Variants in UPP1 observed in about 807,000 individuals in gnomAD.
The protein encoded by UPP1 is UPase 1.
In UPP1, 25 loss-of-function variants were observed where a neutral mutation model predicts 29.6. That is an observed-to-expected ratio of 0.85 (90% CI 0.62 to 1.18). The LOEUF is 1.18. Among genes scored for constraint, UPP1 ranks in the 50% most tolerant of loss-of-function variants. UPP1 has a pLI of 0.00. For missense variants in UPP1, 368 were observed against 410.4 expected, an observed-to-expected ratio of 0.90 and a Z score of 0.89; for synonymous variants, 165 against 159.8, an observed-to-expected ratio of 1.03 and a Z score of -0.25.
chr7:48,107,380 G>T lies in UPP1; in HGVS notation c.666G>T (p.Gly222=), dbSNP rs374315572. The T allele has an allele frequency of 6.2e-6, 10 of 1,613,454 alleles. No individual in the cohort carries two copies. The African/African-American group carries it at 1.3e-4, about 22-fold the overall frequency. The change falls in exon 8 of 9, where the codon GGG becomes GGT. Residue 222 remains glycine, a synonymous_variant. Coordinates refer to ENST00000395564, the MANE Select transcript of UPP1 (RefSeq NM_003364.4). Reference sequence around the variant, plus strand: ...CCTCAGGGCAAGGCCGTCTGGATGGGGCTCTCTGCTCCTACACGGAGAAGG... The same window carrying T: ...CCTCAGGGCAAGGCCGTCTGGATGGTGCTCTCTGCTCCTACACGGAGAAGG... ...DFYEGQGRLD[G]ALCSYTEKDK... is the part of the protein sequence containing the mutation.
At chr7:48,095,788 C>A (rs1482702274) in intron 3 of UPP1, among the ~76,000 whole-genome samples, 1 of 152,022 alleles carries the variant, frequency 6.6e-6, no homozygotes, top group East Asian at 1.9e-4. Flanking sequence ...GCTGGGATTA[C>A]AGGTGCAAGC....
intron 3 of UPP1, among the ~76,000 whole-genome samples, chr7:48,097,425 G>T (rs1792182807): frequency 6.6e-6 from 1 of 151,916 alleles, no homozygotes; most frequent in Non-Finnish European, 1.5e-5. Context: ...GTAGAGTCAG[G>T]GTTTCACCAT....
In UPP1 at chr7:48,107,436, C is replaced by T. The variant is rs751308780; in HGVS notation, c.722C>T (p.Ala241Val). ...CAGGCGTATCTGGAGGCAGCCTATG[C>T]AGCCGGCGTCCGCAATATCGAGATG... ...DKQAYLEAAY[A>V]AGVRNIEMES... is the part of the protein sequence containing the mutation. Residue 241 changes from alanine to valine, a missense_variant, in exon 8 of 9, where the codon GCA becomes GTA. Coordinates refer to ENST00000395564, the MANE Select transcript of UPP1 (RefSeq NM_003364.4). The T allele has an allele frequency of 6.8e-6, 11 of 1,614,164 alleles. No individual in the cohort carries two copies. Among genetic ancestry groups the T allele is most frequent in the Middle Eastern group, 1.6e-4 (1 of 6,062 alleles).
intron 3 of UPP1, among the ~76,000 whole-genome samples, chr7:48,097,381 A>G (rs114904796): frequency 2.3e-4 from 35 of 152,188 alleles, no homozygotes; most frequent in African/African-American, 7.7e-4. Flanking sequence ...CTATAGGTGC[A>G]TGCCACCATG....
chr7:48,108,274 C>CCTCG lies in UPP1; in HGVS notation c.852_855dup (p.Asn286SerfsTer43). 1 of 1,614,040 alleles carries CCTCG rather than the reference C, an allele frequency of 6.2e-7. No individual in the cohort carries two copies. Among genetic ancestry groups the CCTCG allele is most frequent in the Non-Finnish European group, 8.5e-7 (1 of 1,180,022 alleles). On this transcript the variant is annotated frameshift_variant, in exon 9 of 9. Coordinates refer to ENST00000395564, the MANE Select transcript of UPP1 (RefSeq NM_003364.4). LOFTEE classifies it high-confidence loss of function. ...CCTGGAAGGGGACCAGATCAGCAGC[C>CCTCG]CTCGCAATGTGCTCAGCGAGTACCA...
intron 2 of UPP1, among the ~76,000 whole-genome samples, chr7:48,091,827 C>T (rs1365404517): frequency 2.6e-5 from 4 of 152,078 alleles, no homozygotes; most frequent in South Asian, 2.1e-4. Flanking sequence ...AAGGAGCCAG[C>T]GGAAAGCAGT....
chr7:48,101,809 C>T lies in UPP1; in HGVS notation c.163-15C>T, dbSNP rs374101666. On this transcript the variant is annotated splice_polypyrimidine_tract_variant and intron_variant, in intron 4 of 8. Transcript: ENST00000395564. ...AGACAGTGCACTAATGGGGGTCTCTCTTCTCTGGCTGCAGTTTGTGTGTGT... is the reference window on the plus strand; with the variant it reads ...AGACAGTGCACTAATGGGGGTCTCTTTTCTCTGGCTGCAGTTTGTGTGTGT... The T allele has an allele frequency of 2.1e-5, 34 of 1,612,284 alleles. No individual in the cohort carries two copies. Among genetic ancestry groups the T allele is most frequent in the Non-Finnish European group, 2.8e-5 (33 of 1,179,186 alleles).
chr7:48,094,315 G>A (rs1406060599), intron 2 of UPP1, among the ~76,000 whole-genome samples: 1 of 152,146 alleles, frequency 6.6e-6, no homozygotes, highest in Non-Finnish European at 1.5e-5. Flanking sequence ...CCAGGTTCAA[G>A]CGATTGTCCT....
chr7:48,100,300 G>A (rs572284654), intron 4 of UPP1, among the ~76,000 whole-genome samples: 11 of 152,296 alleles, frequency 7.2e-5, no homozygotes, highest in African/African-American at 2.4e-4. Flanking sequence ...TTCTGGGACC[G>A]CTGTTGTGTA....
chr7:48,095,277 C>T (rs1164706161), intron 3 of UPP1, among the ~76,000 whole-genome samples: 1 of 152,172 alleles, frequency 6.6e-6, no homozygotes, highest in Non-Finnish European at 1.5e-5. Flanking sequence ...AATTTCTTGT[C>T]TTCATTCTGA....
intron 8 of UPP1, 109 bp downstream of exon 8, chr7:48,107,616 G>T (rs1295868092): frequency 7.4e-5 from 100 of 1,352,140 alleles, no homozygotes; most frequent in Non-Finnish European, 9.7e-5. Context: ...CCCATTTCTG[G>T]TTTCTGTTTC....
chr7:48,098,403 C>T (rs1051946627), intron 3 of UPP1, among the ~76,000 whole-genome samples: 1 of 152,136 alleles, frequency 6.6e-6, no homozygotes, highest in African/African-American at 2.4e-5. Flanking sequence ...CCATCTCAAC[C>T]TTGTTTTTCT....
chr7:48,107,607 C>A, intron 8 of UPP1, 100 bp downstream of exon 8: 1 of 1,411,592 alleles, frequency 7.1e-7, no homozygotes, highest in Non-Finnish European at 9.5e-7. Flanking sequence ...ACCCCGATAC[C>A]CATTTCTGGT....
At position 48,107,030 on chromosome 7, in the gene UPP1, C is replaced by T. The variant is rs755794187; in HGVS notation, c.594C>T (p.Ser198=). 7 of 1,612,532 alleles carry T rather than the reference C, an allele frequency of 4.3e-6. No individual in the cohort carries two copies. The highest frequency in any genetic ancestry group is 5.9e-6 in the Non-Finnish European group (7 of 1,179,902). ...QELLLCSAEL[S]EFTTVVGNTM... ...TGTTGCTGTGTTCTGCAGAGCTGAG[C>T]GAGTTCACCACAGTGGTGGGGAACA... Residue 198 remains serine, a synonymous_variant, in exon 7 of 9, where the codon AGC becomes AGT. Transcript: ENST00000395564.
Position 48,103,366 on chromosome 7 carries a change from T to G in UPP1, c.391T>G (p.Cys131Gly). Reference sequence around the variant, plus strand: ...CATAAAGCTGCTGTACTATGCCCGGTGCTCCAACGTCACTATCATCCGCAT... The same window carrying G: ...CATAAAGCTGCTGTACTATGCCCGGGGCTCCAACGTCACTATCATCCGCAT... ...ELIKLLYYARCSNVTIIRIGT... is the reference protein window; with the variant it reads ...ELIKLLYYARGSNVTIIRIGT... The change falls in exon 6 of 9, where the codon TGC becomes GGC. Residue 131 changes from cysteine (C) to glycine (G), a missense_variant. Cys to Gly is a radical substitution (Grantham distance 159). Transcript: ENST00000395564. The G allele has an allele frequency of 1.2e-6, 2 of 1,614,052 alleles. No individual in the cohort carries two copies. The highest frequency in any genetic ancestry group is 1.7e-6 in the Non-Finnish European group (2 of 1,179,922).
Position 48,108,469 on chromosome 7 carries a change from T to G in UPP1, c.*112T>G. Reference sequence around the variant, plus strand: ...ACACTTTACACAAGAATCTAGAAAATCAGATCGCGATTAAGAGACAGAGAA... The same window carrying G: ...ACACTTTACACAAGAATCTAGAAAAGCAGATCGCGATTAAGAGACAGAGAA... On this transcript the variant is annotated 3_prime_UTR_variant, in exon 9 of 9. Coordinates refer to ENST00000395564, the MANE Select transcript of UPP1 (RefSeq NM_003364.4). The G allele has an allele frequency of 7.7e-7, 1 of 1,292,990 alleles. No individual in the cohort carries two copies. Among genetic ancestry groups the G allele is most frequent in the Non-Finnish European group, 1.0e-6 (1 of 965,824 alleles). 80.1% of individuals were successfully genotyped at this position (1,292,990 alleles called of 1,614,324 possible).
At chr7:48,107,575 C>A in intron 8 of UPP1, 68 bp downstream of exon 8, 2 of 1,513,832 alleles carry the variant, frequency 1.3e-6, no homozygotes, top group Non-Finnish European at 1.8e-6. Flanking sequence ...GAGCCCCTCG[C>A]TGGGGCCCCT....
At chr7:48,107,148 C>T (rs1236352478) in intron 7 of UPP1, 66 bp downstream of exon 7, 2 of 1,572,852 alleles carry the variant, frequency 1.3e-6, no homozygotes, top group African/African-American at 1.3e-5. Context: ...CTGAGCCTGC[C>T]TTCTCGCTGT....
rs187713099 is a variant in UPP1, at chr7:48,099,680, G to A, written c.55G>A (p.Val19Ile). Residue 19 changes from valine to isoleucine, a missense_variant, in exon 4 of 9, where the codon GTC (valine) becomes ATC (isoleucine). By Grantham distance (29) the Val-to-Ile change is conservative. Coordinates refer to ENST00000395564, the MANE Select transcript of UPP1 (RefSeq NM_003364.4). ...EKAESHNDCP[V>I]RLLNPNIAKM... The stretch of plus-strand genomic sequence containing the variant: ...CTTGTTTTTTAACAGTGATTGCCCC[G>A]TCAGACTTTTAAATCCAAACATAGC... The A allele has an allele frequency of 3.5e-5, 57 of 1,611,208 alleles. No homozygotes were observed. The highest frequency in any genetic ancestry group is 1.6e-4 in the East Asian group (7 of 44,850).
Sources: allele counts gnomAD v4.1 joint callset (sites outside exome capture counted in the v4.1 genomes callset), GRCh38; gene constraint gnomAD v4.1.1; transcripts MANE v1.5; gene names NCBI Gene and HGNC (gene_info 2026-07-23, HGNC 2026-07-21).